Variants in COL4A6 observed in about 807,000 individuals in gnomAD.
COL4A6 encodes collagen type IV alpha 6 chain, also known as collagen alpha-6(IV) chain.
Under a neutral mutation model 126.7 loss-of-function variants are expected in COL4A6, and 59 were observed. The observed-to-expected ratio is 0.47, with a 90% confidence interval of 0.38 to 0.58. The LOEUF (loss-of-function observed/expected upper bound fraction) is 0.58, where lower values mean the gene tolerates loss of function less well. COL4A6 is among the 20% of genes least tolerant of loss of function. COL4A6 has a pLI of 0.00. For synonymous variants in COL4A6, 547 were observed against 496.6 expected, an observed-to-expected ratio of 1.10 and a Z score of -1.35; for missense variants, 1,285 against 1,337.3, an observed-to-expected ratio of 0.96 and a Z score of 0.61.
chrX:108,177,395 A>G (rs962935562), intron 27 of COL4A6, among the ~76,000 whole-genome samples: 1 of 112,246 alleles, frequency 8.9e-6, no homozygotes. Context: ...TCACGCCACA[A>G]TGGCTGTTTC....
chrX:108,417,150 T>C (rs942641532), intron 2 of COL4A6, among the ~76,000 whole-genome samples: 1 of 111,362 alleles, frequency 9.0e-6, no homozygotes, highest in African/African-American at 3.3e-5. Flanking sequence ...GTTATAGCAG[T>C]AGCAACCTAC....
intron 8 of COL4A6, 153 bp from the exon 9 acceptor site, chrX:108,206,733 C>A (rs1186434146): frequency 1.8e-6 from 1 of 548,394 alleles, no homozygotes; most frequent in Non-Finnish European, 3.3e-6. Context: ...TCCAATGATA[C>A]AAGGATAAAC....
intron 10 of COL4A6, 46 bp downstream of exon 10, chrX:108,205,614 T>C: frequency 8.5e-7 from 1 of 1,170,856 alleles, no homozygotes; most frequent in Non-Finnish European, 1.2e-6. Flanking sequence ...AAATCCAGAG[T>C]ACTTAGGAGT....
intron 3 of COL4A6, among the ~76,000 whole-genome samples, chrX:108,266,542 C>T (rs754156323): frequency 9.0e-6 from 1 of 111,503 alleles, no homozygotes; most frequent in South Asian, 3.8e-4. Flanking sequence ...TGTACTTGGG[C>T]AAAACCTGAA....
chrX:108,331,775 T>C (rs1369299919), intron 2 of COL4A6, among the ~76,000 whole-genome samples: 1 of 111,503 alleles, frequency 9.0e-6, no homozygotes, highest in African/African-American at 3.3e-5. Flanking sequence ...AGTCTTTTTC[T>C]CTTGAGGCCT....
intron 2 of COL4A6, among the ~76,000 whole-genome samples, chrX:108,419,830 T>C (rs181408311): frequency 8.9e-6 from 1 of 111,932 alleles, no homozygotes; most frequent in Admixed American, 9.5e-5. Flanking sequence ...TCTTTGTCCA[T>C]CGCTACAGCA....
chrX:108,250,091 T>C (rs1338388102), intron 3 of COL4A6, among the ~76,000 whole-genome samples: 2 of 111,949 alleles, frequency 1.8e-5, no homozygotes, highest in African/African-American at 6.5e-5. Context: ...CCAAGTCCCA[T>C]CTCTGTTCAG....
chrX:108,278,029 A>T (rs771501103), intron 3 of COL4A6, among the ~76,000 whole-genome samples: 1 of 111,762 alleles, frequency 8.9e-6, no homozygotes, highest in East Asian at 2.8e-4. Context: ...AGATAAAACC[A>T]CAAAGATGGG....
At chrX:108,379,985 G>C (rs2040528932) in intron 2 of COL4A6, among the ~76,000 whole-genome samples, 1 of 110,797 alleles carries the variant, frequency 9.0e-6, no homozygotes, top group African/African-American at 3.3e-5. Flanking sequence ...AAATCTCTCT[G>C]CCGCCAATAT....
At chrX:108,295,870 T>G (rs2038310054) in intron 3 of COL4A6, among the ~76,000 whole-genome samples, 1 of 112,255 alleles carries the variant, frequency 8.9e-6, no homozygotes, top group Non-Finnish European at 1.9e-5. Flanking sequence ...TGGTGGTAGT[T>G]AATGGCTTGA....
Position 108,196,523 on chromosome X carries a change from C to A in COL4A6, c.891G>T (p.Leu297Phe). 1.7e-6 allele frequency: 2 copies of A among 1,209,496 alleles called. No homozygotes were observed. Among genetic ancestry groups the A allele is most frequent in the Non-Finnish European group, 2.2e-6 (2 of 893,952 alleles). Residue 297 changes from leucine (L) to phenylalanine (F), a missense_variant, in exon 14 of 45, where the codon TTG (leucine) becomes TTT (phenylalanine). Leu to Phe is a conservative substitution (Grantham distance 22). Coordinates refer to ENST00000334504, the MANE Select transcript of COL4A6 (RefSeq NM_033641.4). Reference sequence around the variant, plus strand: ...TCGAGGTTCATACCCTAGGTCCTGGCAAACCAGGGATTCCCTTTTCTCCCT... The same window carrying A: ...TCGAGGTTCATACCCTAGGTCCTGGAAAACCAGGGATTCCCTTTTCTCCCT... ...GEKGEKGIPG[L>F]PGPRGPMGSE...
chrX:108,250,120 A>G (rs780406513), intron 3 of COL4A6, among the ~76,000 whole-genome samples: 179 of 112,143 alleles, frequency 1.6e-3, no homozygotes, highest in African/African-American at 5.6e-3. Context: ...CTGGAGGATC[A>G]GAGAAAGCAA....
chrX:108,268,269 T>A (rs957441840), intron 3 of COL4A6: 3 of 112,361 alleles, frequency 2.7e-5, no homozygotes, highest in African/African-American at 9.7e-5. Context: ...GAATTTACTA[T>A]TGTAATCAAT....
intron 2 of COL4A6, among the ~76,000 whole-genome samples, chrX:108,375,043 C>T (rs2040407093): frequency 8.9e-6 from 1 of 112,114 alleles, no homozygotes; most frequent in Non-Finnish European, 1.9e-5. Flanking sequence ...TAACATCCAT[C>T]TAAGCTAGCT....
At chrX:108,186,887 T>C (rs1246157828) in intron 23 of COL4A6, among the ~76,000 whole-genome samples, 1 of 111,440 alleles carries the variant, frequency 9.0e-6, no homozygotes, top group East Asian at 2.8e-4. Flanking sequence ...CTTCACGAAG[T>C]AGGGTGGAAA....
intron 2 of COL4A6, among the ~76,000 whole-genome samples, chrX:108,405,501 T>C (rs2041188151): frequency 9.0e-6 from 1 of 111,630 alleles, no homozygotes; most frequent in Non-Finnish European, 1.9e-5. Context: ...TCAGTATCAT[T>C]GTTAACTAGG....
chrX:108,214,297 C>T (rs182088094), intron 5 of COL4A6, 69 bp from the exon 6 acceptor site: 20 of 756,240 alleles, frequency 2.6e-5, no homozygotes, highest in African/African-American at 1.3e-4. Flanking sequence ...GGCTCCACAG[C>T]GAGAAAAGCC....
chrX:108,279,003 G>A (rs991728331), intron 3 of COL4A6, among the ~76,000 whole-genome samples: 8 of 111,679 alleles, frequency 7.2e-5, no homozygotes, highest in African/African-American at 2.3e-4. Flanking sequence ...CACTAAACAC[G>A]GAAAGGAACA....
chrX:108,157,295 C>G, intron 44 of COL4A6, 35 bp from the exon 45 acceptor site: 2 of 1,190,831 alleles, frequency 1.7e-6, no homozygotes, highest in South Asian at 1.9e-5. Context: ...ATGAGCTGTG[C>G]CTGCCAAGGG....
Sources: gnomAD v4.1 joint callset for allele counts (sites outside exome capture counted in the v4.1 genomes callset) on GRCh38, gnomAD v4.1.1 for gene constraint, MANE v1.5 for transcripts, NCBI Gene and HGNC (gene_info 2026-07-23, HGNC 2026-07-21) for gene names.